Variants in HID1 observed in about 807,000 individuals in gnomAD.
HID1 encodes the protein protein HID1.
A neutral mutation model predicts 89.7 loss-of-function variants in HID1; 42 were observed. The observed-to-expected ratio is 0.47, with a 90% CI of 0.37 to 0.61. The LOEUF (loss-of-function observed/expected upper bound fraction) is 0.61. Among genes scored for constraint, HID1 ranks in the 20% least tolerant of loss-of-function variants. HID1 has a pLI of 0.00. For synonymous variants in HID1, 442 were observed against 433.8 expected (o/e 1.02, Z -0.24); for missense variants, 854 against 1,039.3 (o/e 0.82, Z 2.45).
chr17:74,959,978 C>G lies in HID1; in HGVS notation c.952-41G>C. 3 of 1,613,584 alleles carry G rather than the reference C, an allele frequency of 1.9e-6. No individual in the cohort carries two copies. The highest frequency in any genetic ancestry group is 1.7e-6 in the Non-Finnish European group (2 of 1,179,962). On this transcript the variant is annotated intron_variant, in intron 7 of 18. Transcript: ENST00000425042. The surrounding 1 kb of genome is among the most constrained non-coding windows in gnomAD (Gnocchi z 4.6). ...GCCCCTGGTGAGCAGGCGTCCTCCC[C>G]ACAACCCGTGGCCCCGGCAGCTGTC...
At chr17:74,965,383 G>A (rs2039546702) in intron 1 of HID1, among the ~76,000 whole-genome samples, 1 of 152,238 alleles carries the variant, frequency 6.6e-6, no homozygotes, top group African/African-American at 2.4e-5. Context: ...GCTGGGACAA[G>A]TCCAAACCTC....
chr17:74,972,167 T>C lies in HID1; in HGVS notation c.66+424A>G, dbSNP rs2039657733. The stretch of plus-strand genomic sequence containing the variant: ...CCAGCCAGGCTTTGTTTGCATTGAG[T>C]CAACAGGGACTGTGCGTCCGGGACC... On this transcript the variant is annotated intron_variant, in intron 1 of 18. Coordinates refer to ENST00000425042, the MANE Select transcript of HID1 (RefSeq NM_030630.3). This position sits in a 1 kb window ranked among gnomAD's most constrained non-coding sequence, Gnocchi z 6.4. 6.8e-6 allele frequency among the ~76,000 whole-genome samples: 1 copy of C among 148,082 alleles called. No individual in the cohort carries two copies. Among genetic ancestry groups the C allele is most frequent in the African/African-American group, 2.5e-5 (1 of 40,426 alleles).
Position 74,955,939 on chromosome 17 carries a change from T to C in HID1, c.1489A>G (p.Ser497Gly), listed in dbSNP as rs2039383818. ...TTGTTGGCAGTCACCATGGACAGGCTCTTGAGGTAGGGGGACACTGTAAGG... is the reference window on the plus strand; with the variant it reads ...TTGTTGGCAGTCACCATGGACAGGCCCTTGAGGTAGGGGGACACTGTAAGG... ...IVVNVSPYLKSLSMVTANKLL... is the reference protein window; with the variant it reads ...IVVNVSPYLKGLSMVTANKLL... Residue 497 changes from serine to glycine, a missense_variant, in exon 13 of 19, where the codon AGC becomes GGC. Coordinates refer to ENST00000425042, the MANE Select transcript of HID1 (RefSeq NM_030630.3). The C allele has an allele frequency of 1.2e-6, 2 of 1,613,784 alleles. No homozygotes were observed. The highest frequency in any genetic ancestry group is 2.7e-5 in the African/African-American group (2 of 74,904).
At position 74,962,447 on chromosome 17, in the gene HID1, C is replaced by T. The variant is rs1427634698; in HGVS notation, c.505-107G>A. ...CTCACACAGTCCCAGGGGCAGAGAC[C>T]GCCAGTTCTCCTAAAGACAGGTCCT... is the stretch of plus-strand genomic sequence containing the variant. On this transcript the variant is annotated intron_variant, in intron 4 of 18. Coordinates refer to ENST00000425042, the MANE Select transcript of HID1 (RefSeq NM_030630.3). This position sits in a 1 kb window ranked among gnomAD's most constrained non-coding sequence, Gnocchi z 4.3. 5 of 643,494 alleles carry T rather than the reference C, an allele frequency of 7.8e-6. No homozygotes were observed. Among genetic ancestry groups the T allele is most frequent in the Admixed American group, 5.8e-5 (2 of 34,426 alleles). The allele number at this position is 643,494 out of a possible 1,614,324, so 39.9% of individuals were successfully genotyped here. A position where few individuals can be genotyped will look rare whatever the true frequency, so the allele number is the denominator to read the frequency against.
chr17:74,972,708 C>T lies in HID1; in HGVS notation c.-52G>A, dbSNP rs1180274175. On this transcript the variant is annotated 5_prime_UTR_variant, in exon 1 of 19. Coordinates refer to ENST00000425042, the MANE Select transcript of HID1 (RefSeq NM_030630.3). This position sits in a 1 kb window ranked among gnomAD's most constrained non-coding sequence, Gnocchi z 6.4. Reference sequence around the variant, plus strand: ...CCCCGCCCAGACTCCAACCCGGCTCCGGCTTCAGCTCCGGCTCCAGCTCCG... The same window carrying T: ...CCCCGCCCAGACTCCAACCCGGCTCTGGCTTCAGCTCCGGCTCCAGCTCCG... 2.7e-6 allele frequency: 4 copies of T among 1,471,870 alleles called. No individual in the cohort carries two copies. The highest frequency in any genetic ancestry group is 2.9e-5 in the African/African-American group (2 of 68,076). 91.2% of individuals were successfully genotyped at this position (1,471,870 alleles called of 1,614,324 possible).
rs2039500525 is a variant in HID1, at chr17:74,962,629, G to A, written c.505-289C>T. Among the ~76,000 whole-genome samples, 1 of 152,196 alleles carries A rather than the reference G, an allele frequency of 6.6e-6. No homozygotes were observed. Among genetic ancestry groups the A allele is most frequent in the Non-Finnish European group, 1.5e-5 (1 of 68,016 alleles). On this transcript the variant is annotated intron_variant, in intron 4 of 18. Transcript: ENST00000425042. This position sits in a 1 kb window ranked among gnomAD's most constrained non-coding sequence, Gnocchi z 4.3. ...GAGGGGCAGGGGATTGGGTGCCCCG[G>A]GTTTGGGGGTGGGCAGAGAAGACTC...
At chr17:74,971,155 G>C (rs1346456462) in intron 1 of HID1, among the ~76,000 whole-genome samples, 2 of 152,194 alleles carry the variant, frequency 1.3e-5, no homozygotes, top group African/African-American at 4.8e-5. Context: ...GCCTGGCAAA[G>C]GACCCCAGCT....
intron 18 of HID1, 46 bp downstream of exon 18, chr17:74,951,859 C>A: frequency 6.8e-7 from 1 of 1,476,058 alleles, no homozygotes; most frequent in African/African-American, 1.4e-5. Flanking sequence ...TTGAGCCCTG[C>A]TGGGCAGGCT....
At chr17:74,965,329 C>T (rs188911468) in intron 1 of HID1, among the ~76,000 whole-genome samples, 1 of 152,376 alleles carries the variant, frequency 6.6e-6, no homozygotes, top group Non-Finnish European at 1.5e-5. Context: ...CTGCCACAGG[C>T]ACTGCTTCCT....
At chr17:74,952,935 C>T in intron 16 of HID1, 71 bp downstream of exon 16, 1 of 1,254,896 alleles carries the variant, frequency 8.0e-7, no homozygotes, top group Non-Finnish European at 1.1e-6. Context: ...GGAGCCCCAA[C>T]CCAGCTCCCG....
chr17:74,951,439 G>T lies in HID1; in HGVS notation c.*131C>A. On this transcript the variant is annotated 3_prime_UTR_variant, in exon 19 of 19. Coordinates refer to ENST00000425042, the MANE Select transcript of HID1 (RefSeq NM_030630.3). ...CTGGCCACAGGGGTCTCTAGGGCATGACACTCAGGGCCACTCTGCCTGTTC... is the reference window on the plus strand; with the variant it reads ...CTGGCCACAGGGGTCTCTAGGGCATTACACTCAGGGCCACTCTGCCTGTTC... The T allele has an allele frequency of 1.2e-6, 1 of 860,192 alleles. No homozygotes were observed. The highest frequency in any genetic ancestry group is 1.9e-6 in the Non-Finnish European group (1 of 533,530). The allele number at this position is 860,192 out of a possible 1,614,324, so 53.3% of individuals were successfully genotyped here. A position where few individuals can be genotyped will look rare whatever the true frequency, so the allele number is the denominator to read the frequency against.
intron 13 of HID1, 142 bp downstream of exon 13, chr17:74,955,650 T>C (rs977443077): frequency 4.3e-6 from 3 of 704,582 alleles, no homozygotes; most frequent in Non-Finnish European, 7.2e-6. Flanking sequence ...GCTCAATAAA[T>C]GTACACTGAA....
chr17:74,962,872 G>A lies in HID1; in HGVS notation c.504+93C>T, dbSNP rs1481079659. 9 of 894,678 alleles carry A rather than the reference G, an allele frequency of 1.0e-5. No individual in the cohort carries two copies. Among genetic ancestry groups the A allele is most frequent in the Non-Finnish European group, 1.6e-5 (9 of 566,836 alleles). The allele number at this position is 894,678 out of a possible 1,614,324, so 55.4% of individuals were successfully genotyped here. A position where few individuals can be genotyped will look rare whatever the true frequency, so the allele number is the denominator to read the frequency against. Reference sequence around the variant, plus strand: ...CTCTCCTGGAGCCCCCCGGCCCCCAGTGCAATCCGCCCAAGGGAACTTCAA... The same window carrying A: ...CTCTCCTGGAGCCCCCCGGCCCCCAATGCAATCCGCCCAAGGGAACTTCAA... On this transcript the variant is annotated intron_variant, in intron 4 of 18. Transcript: ENST00000425042. This position sits in a 1 kb window ranked among gnomAD's most constrained non-coding sequence, Gnocchi z 4.3.
At chr17:74,966,758 T>C (rs1006301064) in intron 1 of HID1, among the ~76,000 whole-genome samples, 1 of 151,972 alleles carries the variant, frequency 6.6e-6, no homozygotes, top group East Asian at 1.9e-4. Flanking sequence ...AAGACCAGCC[T>C]GGGCAACATG....
In HID1 at chr17:74,958,537, C is replaced by T; in HGVS notation, c.1241-59G>A. ...TGGGAGGGGGAAGGAGGGGCCCAGG[C>T]AGTGACCATTTTGGAGGCCTCCCTC... On this transcript the variant is annotated intron_variant, in intron 10 of 18. Coordinates refer to ENST00000425042, the MANE Select transcript of HID1 (RefSeq NM_030630.3). The surrounding 1 kb of genome is among the most constrained non-coding windows in gnomAD (Gnocchi z 5.2). 6.3e-7 allele frequency: 1 copy of T among 1,576,924 alleles called. No homozygotes were observed. Among genetic ancestry groups the T allele is most frequent in the Non-Finnish European group, 8.6e-7 (1 of 1,161,140 alleles).
At chr17:74,960,381 A>G (rs2039461323) in intron 6 of HID1, 133 bp from the exon 7 acceptor site, 2 of 759,164 alleles carry the variant, frequency 2.6e-6, no homozygotes, top group Admixed American at 5.2e-5. Context: ...GTGGCTTGGA[A>G]AGAGTGGGTG....
At chr17:74,960,755 A>C (rs2039467166) in intron 6 of HID1, among the ~76,000 whole-genome samples, 1 of 152,218 alleles carries the variant, frequency 6.6e-6, no homozygotes, top group African/African-American at 2.4e-5. Context: ...CTTCTGGAGT[A>C]GGGTGGAAGG....
chr17:74,963,306 C>A, intron 3 of HID1: 1 of 542,184 alleles, frequency 1.8e-6, no homozygotes, highest in East Asian at 3.1e-5. Context: ...CCCCTACTGA[C>A]TGGAGGGGGC....
In HID1 at chr17:74,964,618, G is replaced by A. The variant is rs769083291; in HGVS notation, c.81C>T (p.Thr27=). The A allele has an allele frequency of 1.2e-5, 20 of 1,611,998 alleles. No homozygotes were observed. Among genetic ancestry groups the A allele is most frequent in the Admixed American group, 8.4e-5 (5 of 59,744 alleles). ...LTTKTQPVEA[T]DDAFWDQFWA... is the part of the protein sequence containing the mutation. ...AGAACTGGTCCCAAAAGGCATCATCGGTGGCTTCCACGGGCTGTGGGGGGA... is the reference window on the plus strand; with the variant it reads ...AGAACTGGTCCCAAAAGGCATCATCAGTGGCTTCCACGGGCTGTGGGGGGA... The change falls in exon 2 of 19, where the codon ACC becomes ACT. Residue 27 remains threonine (T), a synonymous_variant. Transcript: ENST00000425042.
Sources: allele counts gnomAD v4.1 joint callset (sites outside exome capture counted in the v4.1 genomes callset), GRCh38; gene constraint gnomAD v4.1.1; non-coding constraint Gnocchi (gnomAD v3.1); transcripts MANE v1.5; gene names NCBI Gene and HGNC (gene_info 2026-07-23, HGNC 2026-07-21).